The following SNAP29 variants were observed in gnomAD, a reference collection of about 807,000 sequenced individuals.
The protein encoded by SNAP29 is synaptosome associated protein 29.
In SNAP29, 13 loss-of-function variants were observed where a neutral mutation model predicts 27.9. The observed-to-expected ratio is 0.47, with a 90% CI of 0.30 to 0.74. The LOEUF (loss-of-function observed/expected upper bound fraction) is 0.74, where lower values mean the gene tolerates loss of function less well. Among genes scored for constraint, SNAP29 ranks in the 30% least tolerant of loss-of-function variants. The pLI is 0.06. For missense variants in SNAP29, 368 were observed against 336.5 expected (o/e 1.09, Z -0.73); for synonymous variants, 119 against 127.1 (o/e 0.94, Z 0.43).
intron 1 of SNAP29, 70 bp from the exon 2 acceptor site, chr22:20,870,267 A>G: frequency 7.1e-7 from 1 of 1,416,048 alleles, no homozygotes; most frequent in East Asian, 2.3e-5. Context: ...GGGCTGCTCC[A>G]TGTGGTCCTT....
At chr22:20,868,338 G>T (rs576938412) in intron 1 of SNAP29, among the ~76,000 whole-genome samples, 1 of 152,130 alleles carries the variant, frequency 6.6e-6, no homozygotes, top group Non-Finnish European at 1.5e-5. Flanking sequence ...AAACATAAAC[G>T]TTGAAAGCTG....
In SNAP29 at chr22:20,874,794, TG is replaced by T. The variant is rs1037587299; in HGVS notation, c.434+4262del. The stretch of plus-strand genomic sequence containing the variant: ...GTTCTAGTCGTTGCTTGTTTTTTGT[TG>T]TTTTTTTTTCAATATACATATCAGA... On this transcript the variant is annotated intron_variant, in intron 2 of 4. Coordinates refer to ENST00000215730, the MANE Select transcript of SNAP29 (RefSeq NM_004782.4). Among the ~76,000 whole-genome samples, 9 of 152,164 alleles carry T rather than the reference TG, an allele frequency of 5.9e-5. 1 individual carries two copies. In the South Asian group the frequency reaches 6.2e-4, roughly 11 times the overall value.
At position 20,863,543 on chromosome 22, in the gene SNAP29, G is replaced by A. The variant is rs534748988; in HGVS notation, c.237+4196G>A. ...CAGGCCACAGGCTATGACCACAAAAGAACAGAGGAGAAGTAGTGGGAGCAG... is the reference window on the plus strand; with the variant it reads ...CAGGCCACAGGCTATGACCACAAAAAAACAGAGGAGAAGTAGTGGGAGCAG... On this transcript the variant is annotated intron_variant, in intron 1 of 4. Transcript: ENST00000215730. Among the ~76,000 whole-genome samples the A allele has an allele frequency of 3.9e-5, 6 of 152,334 alleles. No homozygotes were observed. In the South Asian group the frequency reaches 1.2e-3, roughly 32 times the overall value.
chr22:20,889,118 G>T lies in SNAP29; in HGVS notation c.*1282G>T, dbSNP rs959406628. On this transcript the variant is annotated 3_prime_UTR_variant, in exon 5 of 5. Coordinates refer to ENST00000215730, the MANE Select transcript of SNAP29 (RefSeq NM_004782.4). ...TATTTTGAAGATGGTGAAAGTGACT[G>T]ATTTTAATAATGAGATAGGTCACTT... The T allele has an allele frequency of 6.6e-6, 1 of 152,176 alleles. No homozygotes were observed. The highest frequency in any genetic ancestry group is 1.5e-5 in the Non-Finnish European group (1 of 68,032). 9.4% of individuals were successfully genotyped at this position (152,176 alleles called of 1,614,324 possible). A position where few individuals can be genotyped will look rare whatever the true frequency, so the allele number is the denominator to read the frequency against.
chr22:20,870,564 A>G (rs1268776258), intron 2 of SNAP29, 31 bp downstream of exon 2: 2 of 1,599,822 alleles, frequency 1.3e-6, no homozygotes, highest in East Asian at 4.5e-5. Context: ...CTGGGTATAA[A>G]GGAGCAGAAG....
At chr22:20,860,412 C>T (rs1200196922) in intron 1 of SNAP29, among the ~76,000 whole-genome samples, 1 of 146,966 alleles carries the variant, frequency 6.8e-6, no homozygotes, top group East Asian at 2.0e-4. Context: ...CTCTGTCGCC[C>T]TTGCTTGGGT....
intron 1 of SNAP29, among the ~76,000 whole-genome samples, chr22:20,864,016 G>A (rs1218914868): frequency 1.3e-5 from 2 of 152,160 alleles, no homozygotes; most frequent in African/African-American, 2.4e-5. Context: ...CCCTAATGAT[G>A]AGCATTGAGG....
In SNAP29 at chr22:20,859,049, T is replaced by C. The variant is rs1928103455; in HGVS notation, c.-62T>C. 4.1e-6 allele frequency: 6 copies of C among 1,460,198 alleles called. No individual in the cohort carries two copies. Among genetic ancestry groups the C allele is most frequent in the Admixed American group, 1.9e-5 (1 of 52,558 alleles). The allele number at this position is 1,460,198 out of a possible 1,614,324, so 90.5% of individuals were successfully genotyped here. A position where few individuals can be genotyped will look rare whatever the true frequency, so the allele number is the denominator to read the frequency against. On this transcript the variant is annotated 5_prime_UTR_variant, in exon 1 of 5. Transcript: ENST00000215730. ...GGGGTCGGCGGGCGGGGCGAGGCCCTGGACGGCGGCGGCAGTGGGGCTCCT... is the reference window on the plus strand; with the variant it reads ...GGGGTCGGCGGGCGGGGCGAGGCCCCGGACGGCGGCGGCAGTGGGGCTCCT...
At chr22:20,859,710 C>T (rs1928193004) in intron 1 of SNAP29, 1 of 311,098 alleles carries the variant, frequency 3.2e-6, no homozygotes, top group Admixed American at 4.9e-5. Context: ...GACATTATTT[C>T]CTGTGCAAAA....
At position 20,879,116 on chromosome 22, in the gene SNAP29, G is replaced by T. The variant is rs976131847; in HGVS notation, c.435-1933G>T. Among the ~76,000 whole-genome samples the T allele has an allele frequency of 2.0e-5, 3 of 151,962 alleles. No homozygotes were observed. The East Asian group carries it at 5.8e-4, about 29-fold the overall frequency. On this transcript the variant is annotated intron_variant, in intron 2 of 4. Coordinates refer to ENST00000215730, the MANE Select transcript of SNAP29 (RefSeq NM_004782.4). ...AGGTCAGGAGATCGAGACCATTCCG[G>T]CTAACACGGTGAAACCCCGTCTCCA...
rs1022636391 is a variant in SNAP29, at chr22:20,865,731, A to G, written c.238-4606A>G. On this transcript the variant is annotated intron_variant, in intron 1 of 4. Coordinates refer to ENST00000215730, the MANE Select transcript of SNAP29 (RefSeq NM_004782.4). ...GAAAAGATGCTGATTAAAACCATCAAATGAAAAAAGTGCATAGGGCAGCGT... is the reference window on the plus strand; with the variant it reads ...GAAAAGATGCTGATTAAAACCATCAGATGAAAAAAGTGCATAGGGCAGCGT... Among the ~76,000 whole-genome samples, 9 of 152,340 alleles carry G rather than the reference A, an allele frequency of 5.9e-5. 1 individual carries two copies. The highest frequency in any genetic ancestry group is 4.6e-4 in the Admixed American group (7 of 15,292).
chr22:20,890,684 G>T lies in SNAP29; in HGVS notation c.*2848G>T, dbSNP rs1333324928. On this transcript the variant is annotated 3_prime_UTR_variant, in exon 5 of 5. Coordinates refer to ENST00000215730, the MANE Select transcript of SNAP29 (RefSeq NM_004782.4). ...TGAGGCAGGAGAATGGCATGAACCT[G>T]GGAGGCAGAGCTTGCAGTGAGCCGA... is the stretch of plus-strand genomic sequence containing the variant. 5.9e-6 allele frequency: 1 copy of T among 169,312 alleles called. No homozygotes were observed. Among genetic ancestry groups the T allele is most frequent in the Non-Finnish European group, 1.2e-5 (1 of 82,758 alleles). 10.5% of individuals were successfully genotyped at this position (169,312 alleles called of 1,614,324 possible).
chr22:20,877,083 T>G (rs1288202754), intron 2 of SNAP29, among the ~76,000 whole-genome samples: 2 of 152,206 alleles, frequency 1.3e-5, no homozygotes, highest in Non-Finnish European at 2.9e-5. Context: ...GGAACCACCC[T>G]CTCTTAAACC....
At chr22:20,873,876 A>C (rs1928655455) in intron 2 of SNAP29, among the ~76,000 whole-genome samples, 1 of 142,608 alleles carries the variant, frequency 7.0e-6, no homozygotes, top group African/African-American at 2.6e-5. Flanking sequence ...GCTGAGGAGG[A>C]GAATCCCTTA....
chr22:20,865,798 A>G (rs935475337), intron 1 of SNAP29, among the ~76,000 whole-genome samples: 2 of 152,238 alleles, frequency 1.3e-5, no homozygotes, highest in Non-Finnish European at 2.9e-5. Context: ...TCCTCTCCCC[A>G]TGGAGTCATG....
chr22:20,887,238 A>C (rs1478139317), intron 4 of SNAP29, among the ~76,000 whole-genome samples: 1 of 151,682 alleles, frequency 6.6e-6, no homozygotes, highest in Non-Finnish European at 1.5e-5. Context: ...AAAAAAAAAA[A>C]CAAAAAACTG....
chr22:20,887,173 C>T (rs1318333808), intron 4 of SNAP29, among the ~76,000 whole-genome samples: 7 of 149,990 alleles, frequency 4.7e-5, no homozygotes, highest in Admixed American at 1.3e-4. Flanking sequence ...TGCAGTGAGC[C>T]GAGATCATGG....
chr22:20,877,511 G>T (rs1196206592), intron 2 of SNAP29, among the ~76,000 whole-genome samples: 1 of 151,798 alleles, frequency 6.6e-6, no homozygotes, highest in Non-Finnish European at 1.5e-5. Context: ...AGCCAAGATC[G>T]CACCATTGTA....
intron 4 of SNAP29, among the ~76,000 whole-genome samples, chr22:20,886,126 T>TTTA (rs397832152): frequency 6.8e-6 from 1 of 147,642 alleles, no homozygotes; most frequent in African/African-American, 2.6e-5. Context: ...TTTTTTTTTT[T>TTTA]AATTTTAATT....
Sources: gnomAD v4.1 joint callset for allele counts (sites outside exome capture counted in the v4.1 genomes callset) on GRCh38, gnomAD v4.1.1 for gene constraint, MANE v1.5 for transcripts, NCBI Gene and HGNC (gene_info 2026-07-23, HGNC 2026-07-21) for gene names.